AGAP1: variants seen among roughly 807,000 people sequenced by gnomAD.
AGAP1 encodes the protein arf-GAP with GTPase, ANK repeat and PH domain-containing protein 1.
In AGAP1, 29 loss-of-function variants were observed where a neutral mutation model predicts 105.3. The ratio of observed to expected loss-of-function variants is 0.28; its 90% CI spans 0.21 to 0.38. AGAP1 has a LOEUF of 0.38. Among genes scored for constraint, AGAP1 ranks in the 10% least tolerant of loss-of-function variants. The pLI is 1.00. For synonymous variants in AGAP1, 509 were observed against 485.9 expected (o/e 1.05, Z -0.63); for missense variants, 998 against 1,165.1 (o/e 0.86, Z 2.09).
chr2:235,903,984 A>G (rs1297846793), intron 10 of AGAP1, among the ~76,000 whole-genome samples: 1 of 151,746 alleles, frequency 6.6e-6, no homozygotes, highest in East Asian at 1.9e-4. Context: ...GGCGGGCGCC[A>G]CGTTAAGCTG....
intron 9 of AGAP1, among the ~76,000 whole-genome samples, chr2:235,876,787 A>G (rs934234184): frequency 2.0e-5 from 3 of 150,986 alleles, no homozygotes; most frequent in African/African-American, 7.3e-5. Context: ...CCCCAGGCGC[A>G]TCCCTGATCG....
chr2:235,944,704 C>T (rs961959194), intron 12 of AGAP1, among the ~76,000 whole-genome samples: 1 of 152,152 alleles, frequency 6.6e-6, no homozygotes, highest in African/African-American at 2.4e-5. Context: ...TTTGCCAGAG[C>T]CTTTATGGGG....
chr2:235,805,123 A>T (rs1468652011), intron 8 of AGAP1, among the ~76,000 whole-genome samples: 1 of 152,216 alleles, frequency 6.6e-6, no homozygotes, highest in Non-Finnish European at 1.5e-5. Context: ...CTTTTGCCTA[A>T]CATCTTGCCA....
chr2:235,817,950 A>G (rs976105900), intron 9 of AGAP1, among the ~76,000 whole-genome samples: 1 of 152,250 alleles, frequency 6.6e-6, no homozygotes, highest in African/African-American at 2.4e-5. Context: ...TTGTCCATAA[A>G]TTACCTAATA....
chr2:235,551,429 C>T lies in AGAP1; in HGVS notation c.163+56580C>T, dbSNP rs904179767. Among the ~76,000 whole-genome samples, 11 of 152,066 alleles carry T rather than the reference C, an allele frequency of 7.2e-5. No individual in the cohort carries two copies. On this transcript the variant is annotated intron_variant, in intron 1 of 17. Coordinates refer to ENST00000304032, the MANE Select transcript of AGAP1 (RefSeq NM_001037131.3). This position sits in a 1 kb window ranked among gnomAD's most constrained non-coding sequence, Gnocchi z 4.8. ...CAGGTCGTCCTCCCAGCTCAGCCTC[C>T]CAAGTAGCTGGGACTACAGGTGCGC...
intron 1 of AGAP1, among the ~76,000 whole-genome samples, chr2:235,666,872 G>C (rs1948143887): frequency 6.6e-6 from 1 of 151,988 alleles, no homozygotes. Flanking sequence ...GTTCATCTCA[G>C]TATGTGAACA....
intron 1 of AGAP1, among the ~76,000 whole-genome samples, chr2:235,590,682 T>C (rs11900553): frequency 1.6e-4 from 17 of 104,270 alleles, no homozygotes; most frequent in African/African-American, 2.9e-4. Flanking sequence ...TGTGTGTGTG[T>C]GTGCGTGTGC....
At chr2:235,676,443 T>A (rs1948741133) in intron 1 of AGAP1, among the ~76,000 whole-genome samples, 1 of 152,182 alleles carries the variant, frequency 6.6e-6, no homozygotes, top group Admixed American at 6.5e-5. Flanking sequence ...GAATTGAATG[T>A]TCTTGAGTTA....
intron 9 of AGAP1, among the ~76,000 whole-genome samples, chr2:235,807,631 C>T (rs935765252): frequency 7.9e-5 from 12 of 152,184 alleles, no homozygotes; most frequent in South Asian, 2.1e-4. Flanking sequence ...TTGATTGGGC[C>T]GCGGGCCGCC....
Position 235,614,056 on chromosome 2 carries a change from C to T in AGAP1, c.164-95123C>T, listed in dbSNP as rs1475785982. On this transcript the variant is annotated intron_variant, in intron 1 of 17. Coordinates refer to ENST00000304032, the MANE Select transcript of AGAP1 (RefSeq NM_001037131.3). The surrounding 1 kb of genome is among the most constrained non-coding windows in gnomAD (Gnocchi z 4.7). The stretch of plus-strand genomic sequence containing the variant: ...TGTGTTTTGGCCAAATACTCAAAAG[C>T]ACTAAGTTTTCTTGCGTGGTATCTG... Among the ~76,000 whole-genome samples, 1 of 151,870 alleles carries T rather than the reference C, an allele frequency of 6.6e-6. No homozygotes were observed. Among genetic ancestry groups the T allele is most frequent in the African/African-American group, 2.4e-5 (1 of 41,356 alleles).
intron 1 of AGAP1, among the ~76,000 whole-genome samples, chr2:235,546,456 C>T (rs1271701649): frequency 1.3e-5 from 2 of 152,102 alleles, no homozygotes; most frequent in Non-Finnish European, 2.9e-5. Context: ...TTCCTGGCGT[C>T]CTATCAAGAG....
intron 9 of AGAP1, among the ~76,000 whole-genome samples, chr2:235,863,856 G>A (rs1020137601): frequency 1.3e-5 from 2 of 152,176 alleles, no homozygotes; most frequent in African/African-American, 4.8e-5. Flanking sequence ...GGAACTCTGA[G>A]CATTGAAGAG....
chr2:235,924,178 G>C (rs911228147), intron 11 of AGAP1, among the ~76,000 whole-genome samples: 1 of 152,110 alleles, frequency 6.6e-6, no homozygotes, highest in East Asian at 1.9e-4. Flanking sequence ...AGTATCTTAA[G>C]GTAGTATCTT....
intron 10 of AGAP1, among the ~76,000 whole-genome samples, chr2:235,897,446 A>G (rs1186207759): frequency 6.6e-6 from 1 of 152,204 alleles, no homozygotes; most frequent in Non-Finnish European, 1.5e-5. Context: ...TTAAAATGAA[A>G]AAATAGAATA....
rs1490360068 is a variant in AGAP1 at position 235,843,787 on chromosome 2, G to A, written c.1050+36456G>A. On this transcript the variant is annotated intron_variant, in intron 9 of 17. Transcript: ENST00000304032. The surrounding 1 kb of genome is among the most constrained non-coding windows in gnomAD (Gnocchi z 5.9). ...CCAAGATGTCAGTGGACAGCATAGA[G>A]CTGGGGTGCCAGTGGCCACCATCGG... Among the ~76,000 whole-genome samples the A allele has an allele frequency of 6.6e-6, 1 of 152,186 alleles. No homozygotes were observed. The highest frequency in any genetic ancestry group is 1.5e-5 in the Non-Finnish European group (1 of 68,040).
chr2:235,525,498 C>T (rs535101898), intron 1 of AGAP1, among the ~76,000 whole-genome samples: 43 of 149,526 alleles, frequency 2.9e-4, no homozygotes, highest in Non-Finnish European at 5.8e-4. Context: ...AGGACTGATA[C>T]ATAATGTGGA....
chr2:235,822,886 C>T (rs1040914618), intron 9 of AGAP1, among the ~76,000 whole-genome samples: 11 of 152,094 alleles, frequency 7.2e-5, no homozygotes, highest in Non-Finnish European at 1.2e-4. Context: ...CCAGCACATC[C>T]GAGGGAAGGA....
At chr2:235,918,775 C>T (rs1334344458) in intron 11 of AGAP1, among the ~76,000 whole-genome samples, 2 of 151,428 alleles carry the variant, frequency 1.3e-5, no homozygotes, top group African/African-American at 4.9e-5. Flanking sequence ...GATAATGTTC[C>T]CCTGTAGTAG....
intron 10 of AGAP1, among the ~76,000 whole-genome samples, chr2:235,886,595 C>T (rs1370555992): frequency 1.6e-4 from 25 of 152,132 alleles, no homozygotes; most frequent in Admixed American, 1.6e-3. Flanking sequence ...TACTGGAGTA[C>T]GGAAGAGGGG....
Sources: allele counts gnomAD v4.1 joint callset (sites outside exome capture counted in the v4.1 genomes callset), GRCh38; gene constraint gnomAD v4.1.1; non-coding constraint Gnocchi (gnomAD v3.1); transcripts MANE v1.5; gene names NCBI Gene and HGNC (gene_info 2026-07-23, HGNC 2026-07-21).